DRAM2: variants seen among roughly 807,000 people sequenced by gnomAD.
DRAM2 encodes DNA damage regulated autophagy modulator 2.
DRAM2 carries 26 observed loss-of-function variants against 33.5 expected under a neutral mutation model. That is an observed-to-expected ratio of 0.78 (90% CI 0.57 to 1.08). The LOEUF (loss-of-function observed/expected upper bound fraction) is 1.08, where lower values mean the gene tolerates loss of function less well. Ranked by LOEUF, DRAM2 falls within the 50% of genes least tolerant of loss-of-function variation. DRAM2 has a pLI of 0.00. For synonymous variants in DRAM2, 98 were observed against 109.5 expected, an observed-to-expected ratio of 0.89 and a Z score of 0.66; for missense variants, 311 against 318.1, an observed-to-expected ratio of 0.98 and a Z score of 0.17.
At position 111,127,463 on chromosome 1, in the gene DRAM2, T is replaced by TA. The variant is rs562239697; in HGVS notation, c.132-1170dup. ...TTTCCAATTCCATGAGTCTTTCTCT[T>TA]AAAAAAAAAAAATCTGCAGTGAAAA... is the stretch of plus-strand genomic sequence containing the variant. On this transcript the variant is annotated intron_variant, in intron 4 of 9. Transcript: ENST00000484310. 9.8e-3 allele frequency among the ~76,000 whole-genome samples: 1,429 copies of TA among 145,478 alleles called. 11 individuals carry two copies. Among genetic ancestry groups the TA allele is most frequent in the Middle Eastern group, 0.025 (7 of 282 alleles).
In DRAM2 at chr1:111,126,238, G is replaced by A. The variant is rs145044841; in HGVS notation, c.188C>T (p.Ala63Val). The A allele has an allele frequency of 3.7e-6, 6 of 1,607,242 alleles. No homozygotes were observed. The highest frequency in any genetic ancestry group is 2.2e-5 in the East Asian group (1 of 44,704). ...CTTTCATTACTTACATAAAACTGCC[G>A]CAATATTTAGCATTGCCCCAAATAA... ...KCLFGAMLNIAAVLCIATIYV... is the reference protein window; with the variant it reads ...KCLFGAMLNIVAVLCIATIYV... The change falls in exon 5 of 10, where the codon GCG becomes GTG. Residue 63 changes from alanine (A) to valine (V), a missense_variant. Transcript: ENST00000484310.
At position 111,126,228 on chromosome 1, in the gene DRAM2, T is replaced by C. The variant is rs76810096; in HGVS notation, c.198A>G (p.Leu66=). The change falls in exon 5 of 10, where the codon TTA becomes TTG. Residue 66 remains leucine (L), a splice_region_variant and synonymous_variant. Coordinates refer to ENST00000484310, the MANE Select transcript of DRAM2 (RefSeq NM_001349884.2). ...GTTAAAATCACTTTCATTACTTACA[T>C]AAAACTGCCGCAATATTTAGCATTG... ...FGAMLNIAAV[L]CIATIYVRYK... 6.2e-7 allele frequency: 1 copy of C among 1,606,772 alleles called. No homozygotes were observed. The highest frequency in any genetic ancestry group is 1.3e-5 in the African/African-American group (1 of 74,640).
chr1:111,123,905 T>A (rs1650507220), intron 6 of DRAM2, among the ~76,000 whole-genome samples: 1 of 152,168 alleles, frequency 6.6e-6, no homozygotes, highest in Non-Finnish European at 1.5e-5. Context: ...GAAGTCCTCA[T>A]CATAACCAGA....
At chr1:111,139,759 A>G (rs1654150560) in intron 1 of DRAM2, 93 bp from the exon 2 acceptor site, 1 of 152,384 alleles carries the variant, frequency 6.6e-6, no homozygotes, top group African/African-American at 2.4e-5. Context: ...AGAGAACAGA[A>G]AGGTAGGGCA....
At chr1:111,122,961 C>T (rs558470498) in intron 6 of DRAM2, among the ~76,000 whole-genome samples, 18 of 152,172 alleles carry the variant, frequency 1.2e-4, no homozygotes, top group Non-Finnish European at 2.4e-4. Context: ...AGTGGAAAGG[C>T]GGCTTGTGTG....
intron 4 of DRAM2, 47 bp from the exon 5 acceptor site, chr1:111,126,341 C>T: frequency 2.7e-6 from 3 of 1,104,462 alleles, no homozygotes; most frequent in South Asian, 2.6e-5. Context: ...ACTAGATAAA[C>T]ACATATATTT....
chr1:111,120,740 A>C, intron 6 of DRAM2, 47 bp from the exon 7 acceptor site: 1 of 1,420,042 alleles, frequency 7.0e-7, no homozygotes. Flanking sequence ...AACTCAGAAC[A>C]CATTGGCAAC....
Position 111,118,848 on chromosome 1 carries a change from A to G in DRAM2, c.650T>C (p.Phe217Ser). 1 of 1,610,566 alleles carries G rather than the reference A, an allele frequency of 6.2e-7. No individual in the cohort carries two copies. The highest frequency in any genetic ancestry group is 1.7e-5 in the Admixed American group (1 of 59,746). ...AGTCAGGAAAAAACCAAAGAAGGAA[A>G]ATGACATAGACCATTCTGCTGCAGT... The part of the protein sequence containing the change: ...ITTAAEWSMS[F>S]SFFGFFLTYI... The change falls in exon 9 of 10, where the codon TTT (phenylalanine) becomes TCT (serine). Residue 217 changes from phenylalanine to serine, a missense_variant. Coordinates refer to ENST00000484310, the MANE Select transcript of DRAM2 (RefSeq NM_001349884.2).
In DRAM2 at chr1:111,119,969, C is replaced by G. The variant is rs1277088825; in HGVS notation, c.518-10G>C. 4 of 1,610,134 alleles carry G rather than the reference C, an allele frequency of 2.5e-6. No homozygotes were observed. In the Admixed American group the frequency reaches 5.0e-5, roughly 20 times the overall value. Reference sequence around the variant, plus strand: ...GATGAGCAAGTCAGCACTATAAAAACATAAGTCAAGGAAGAATCTCAGAGA... The same window carrying G: ...GATGAGCAAGTCAGCACTATAAAAAGATAAGTCAAGGAAGAATCTCAGAGA... On this transcript the variant is annotated splice_polypyrimidine_tract_variant and intron_variant, in intron 7 of 9. Coordinates refer to ENST00000484310, the MANE Select transcript of DRAM2 (RefSeq NM_001349884.2).
rs573134776 is a variant in DRAM2 at position 111,118,053 on chromosome 1, A to G, written c.*107T>C. The G allele has an allele frequency of 1.1e-6, 1 of 948,834 alleles. No homozygotes were observed. The highest frequency in any genetic ancestry group is 2.4e-5 in the East Asian group (1 of 40,878). 58.8% of individuals were successfully genotyped at this position (948,834 alleles called of 1,614,324 possible). On this transcript the variant is annotated 3_prime_UTR_variant, in exon 10 of 10. Transcript: ENST00000484310. ...ATCAGCATTCATCAGTGTTACTGTC[A>G]GCCTTGATTAAGTGGTTGAAAATTT...
rs1372590497 is a variant in DRAM2, at chr1:111,117,738, G to A, written c.*422C>T. ...CCCATTTCAAAACCCAGTTCTAAAG[G>A]ATTTACTGACTAATGCTGATTATTT... On this transcript the variant is annotated 3_prime_UTR_variant, in exon 10 of 10. Transcript: ENST00000484310. 2 of 166,870 alleles carry A rather than the reference G, an allele frequency of 1.2e-5. No individual in the cohort carries two copies. The highest frequency in any genetic ancestry group is 4.8e-5 in the African/African-American group (2 of 41,470). 10.3% of individuals were successfully genotyped at this position (166,870 alleles called of 1,614,324 possible). A position where few individuals can be genotyped will look rare whatever the true frequency, so the allele number is the denominator to read the frequency against.
At chr1:111,136,597 A>G (rs990533835) in intron 3 of DRAM2, among the ~76,000 whole-genome samples, 1 of 151,896 alleles carries the variant, frequency 6.6e-6, no homozygotes, top group Non-Finnish European at 1.5e-5. Flanking sequence ...AAACAAAAAA[A>G]CAAAAAAAAA....
chr1:111,130,657 G>A (rs879798587), intron 4 of DRAM2, among the ~76,000 whole-genome samples: 16 of 150,156 alleles, frequency 1.1e-4, no homozygotes, highest in Non-Finnish European at 2.4e-4. Flanking sequence ...CCGAGATTGT[G>A]CCACTGCACT....
chr1:111,135,856 A>G (rs2101120986), intron 3 of DRAM2, among the ~76,000 whole-genome samples: 1 of 152,338 alleles, frequency 6.6e-6, no homozygotes. Flanking sequence ...GTAATCACTC[A>G]ATTATTTGTT....
intron 5 of DRAM2, among the ~76,000 whole-genome samples, 188 bp from the exon 6 acceptor site, chr1:111,125,069 G>T (rs1034169472): frequency 6.6e-6 from 1 of 151,742 alleles, no homozygotes; most frequent in Non-Finnish European, 1.5e-5. Context: ...AAAAAATGGG[G>T]TCTCTCTATG....
At chr1:111,125,189 G>A (rs1231867083) in intron 5 of DRAM2, among the ~76,000 whole-genome samples, 1 of 152,156 alleles carries the variant, frequency 6.6e-6, no homozygotes, top group Non-Finnish European at 1.5e-5. Context: ...TGCTGTGGAT[G>A]TTGGAGAACC....
At chr1:111,120,493 C>T in intron 7 of DRAM2, 23 bp downstream of exon 7, 1 of 1,476,434 alleles carries the variant, frequency 6.8e-7, no homozygotes, top group Non-Finnish European at 9.1e-7. Flanking sequence ...CCAAGTGTAG[C>T]CACATTGTAC....
Position 111,120,645 on chromosome 1 carries a change from CA to C in DRAM2, c.387del (p.Phe129LeufsTer40). 6.2e-7 allele frequency: 1 copy of C among 1,606,652 alleles called. No individual in the cohort carries two copies. The highest frequency in any genetic ancestry group is 8.5e-7 in the Non-Finnish European group (1 of 1,176,034). On this transcript the variant is annotated frameshift_variant, in exon 7 of 10. Transcript: ENST00000484310. LOFTEE classifies it high-confidence loss of function. The stretch of plus-strand genomic sequence containing the variant: ...ACAAACATATATAATGAGCCCATAC[CA>C]AAGGTAAGCACAGCTCCACTTACAT... Reference protein sequence around the residue: ...AAHVSGAVLTFGMGSLYMFVQ... With the variant: ...AAHVSGAVLTXGMGSLYMFVQ...
intron 8 of DRAM2, 58 bp from the exon 9 acceptor site, chr1:111,118,955 C>G: frequency 8.6e-7 from 1 of 1,162,928 alleles, no homozygotes; most frequent in Non-Finnish European, 1.2e-6. Context: ...GATCTATATA[C>G]TATGTTTCAA....
Sources: gnomAD v4.1 joint callset for allele counts (sites outside exome capture counted in the v4.1 genomes callset) on GRCh38, gnomAD v4.1.1 for gene constraint, MANE v1.5 for transcripts, NCBI Gene and HGNC (gene_info 2026-07-23, HGNC 2026-07-21) for gene names.